The following USH1C variants were observed in gnomAD, a reference collection of about 807,000 sequenced individuals.
The protein encoded by USH1C is harmonin.
In USH1C, 90 loss-of-function variants were observed where a neutral mutation model predicts 119.3. The ratio of observed to expected loss-of-function variants is 0.75; its 90% CI spans 0.64 to 0.90. The LOEUF is 0.90. Among genes scored for constraint, USH1C ranks in the 40% least tolerant of loss-of-function variants. The pLI is 0.00. For synonymous variants in USH1C, 465 were observed against 443.3 expected (o/e 1.05, Z -0.62); for missense variants, 1,165 against 1,167.7 (o/e 1.00, Z 0.03).
intron 8 of USH1C, 38 bp downstream of exon 8, chr11:17,526,309 C>G (rs1850668072): frequency 6.4e-7 from 1 of 1,571,310 alleles, no homozygotes; most frequent in Non-Finnish European, 8.7e-7. Context: ...CTGGGGTGCA[C>G]TGGCCACGAA....
At chr11:17,510,598 A>T in intron 16 of USH1C, 77 bp from the exon 17 acceptor site, 1 of 1,118,606 alleles carries the variant, frequency 8.9e-7, no homozygotes, top group Non-Finnish European at 1.4e-6. Flanking sequence ...ATAGCATGAA[A>T]GCACTCCTTT....
At chr11:17,524,643 C>T in intron 8 of USH1C, 108 bp from the exon 9 acceptor site, 1 of 1,224,120 alleles carries the variant, frequency 8.2e-7, no homozygotes, top group Non-Finnish European at 1.2e-6. Context: ...CTGCCTACCT[C>T]TTCAGCCTCT....
At chr11:17,507,151 C>T (rs1040226683) in intron 18 of USH1C, among the ~76,000 whole-genome samples, 3 of 152,192 alleles carry the variant, frequency 2.0e-5, no homozygotes, top group Non-Finnish European at 2.9e-5. Flanking sequence ...TGGTCACTCA[C>T]ACTTCCTGCT....
Position 17,496,780 on chromosome 11 carries a change from G to C in USH1C, c.2524C>G (p.Pro842Ala), listed in dbSNP as rs761342832. ...TACAGCTCATCGTCATACTCCTTTG[G>C]GGGGCAGACGGCAACCACAAGGTCG... ...WIDLVVAVCPPKEYDDELASL... is the reference protein window; with the variant it reads ...WIDLVVAVCPAKEYDDELASL... Residue 842 changes from proline (P) to alanine (A), a missense_variant, in exon 25 of 27, where the codon CCA becomes GCA. Pro to Ala is a conservative substitution (Grantham distance 27). Transcript: ENST00000005226. 6.8e-6 allele frequency: 11 copies of C among 1,614,086 alleles called. No homozygotes were observed. The South Asian group carries it at 7.7e-5, about 11-fold the overall frequency.
intron 18 of USH1C, among the ~76,000 whole-genome samples, chr11:17,508,442 T>C (rs1849732646): frequency 6.6e-6 from 1 of 152,188 alleles, no homozygotes. Context: ...TAAAAACCAC[T>C]GGTCAGGTGC....
rs773119803 is a variant in USH1C at position 17,498,166 on chromosome 11, C to A, written c.2486G>T (p.Gly829Val). 17 of 1,613,948 alleles carry A rather than the reference C, an allele frequency of 1.1e-5. No individual in the cohort carries two copies. In the South Asian group the frequency reaches 1.9e-4, roughly 18 times the overall value. Residue 829 changes from glycine (G) to valine (V), a missense_variant, in exon 24 of 27, where the codon GGC (glycine) becomes GTC (valine). Gly to Val is a moderately radical substitution (Grantham distance 109). Coordinates refer to ENST00000005226, the MANE Select transcript of USH1C (RefSeq NM_153676.4). ...AGGGAGGGGCCTTATTCTTACCCCG[C>A]CCTGATTCCAGGCCTTCTGCAGGGC... ...EAALQKAWNQ[G>V]GDWIDLVVAV...
At chr11:17,513,110 T>A (rs2237962) in intron 15 of USH1C, among the ~76,000 whole-genome samples, 74,013 of 152,124 alleles carry the variant, frequency 0.49, 19,446 homozygotes, top group East Asian at 0.63. Flanking sequence ...ATGTCAGACA[T>A]CTTGTAACTG....
chr11:17,511,273 G>A (rs771198948), intron 16 of USH1C, among the ~76,000 whole-genome samples: 24 of 151,908 alleles, frequency 1.6e-4, no homozygotes, highest in Non-Finnish European at 2.4e-4. Context: ...AGATAACCTC[G>A]CACCTACCAC....
rs1434502978 is a variant in USH1C at position 17,509,578 on chromosome 11, C to T, written c.1791G>A (p.Gln597=). ...HVSASSSPWV[Q]RTPPPIPIPP... is the part of the protein sequence containing the mutation. ...GGATGGGAATGGGGGGTGGAGTGCGCTGCACCCATGGAGAGGATGAGGCGC... is the reference window on the plus strand; with the variant it reads ...GGATGGGAATGGGGGGTGGAGTGCGTTGCACCCATGGAGAGGATGAGGCGC... Residue 597 remains glutamine, a synonymous_variant, in exon 18 of 27, where the codon CAG becomes CAA. Coordinates refer to ENST00000005226, the MANE Select transcript of USH1C (RefSeq NM_153676.4). 1 of 1,598,132 alleles carries T rather than the reference C, an allele frequency of 6.3e-7. No homozygotes were observed. Among genetic ancestry groups the T allele is most frequent in the Non-Finnish European group, 8.5e-7 (1 of 1,173,942 alleles).
intron 1 of USH1C, among the ~76,000 whole-genome samples, chr11:17,534,386 C>T (rs1203981565): frequency 6.6e-6 from 1 of 152,236 alleles, no homozygotes; most frequent in Non-Finnish European, 1.5e-5. Flanking sequence ...CTGGCCTGAG[C>T]AGGGGGTACA....
At chr11:17,527,201 G>A (rs1257530944) in intron 5 of USH1C, 22 bp downstream of exon 5, 1 of 1,446,010 alleles carries the variant, frequency 6.9e-7, no homozygotes, top group Non-Finnish European at 9.6e-7. Context: ...ATGGAGTACT[G>A]CCCTGCTCTG....
At chr11:17,496,987 C>A in intron 24 of USH1C, 174 bp from the exon 25 acceptor site, 1 of 642,694 alleles carries the variant, frequency 1.6e-6, no homozygotes, top group South Asian at 1.9e-5. Context: ...CGTTTCTAGT[C>A]TCTGAGGCTT....
chr11:17,543,942 G>C (rs572340869), intron 1 of USH1C, among the ~76,000 whole-genome samples: 1 of 152,226 alleles, frequency 6.6e-6, no homozygotes, highest in Non-Finnish European at 1.5e-5. Flanking sequence ...AAGGAGAGGG[G>C]CTTGCCCACA....
rs1186647324 is a variant in USH1C, at chr11:17,501,105, T to C, written c.2326A>G (p.Ile776Val). 3.7e-6 allele frequency: 6 copies of C among 1,613,950 alleles called. No individual in the cohort carries two copies. The highest frequency in any genetic ancestry group is 1.7e-5 in the Admixed American group (1 of 60,018). The change falls in exon 23 of 27, where the codon ATT becomes GTT. Residue 776 changes from isoleucine (I) to valine (V), a missense_variant. By Grantham distance (29) the Ile-to-Val change is conservative. Coordinates refer to ENST00000005226, the MANE Select transcript of USH1C (RefSeq NM_153676.4). The part of the protein sequence containing the change: ...LALEGGVDSP[I>V]GKVVVSAVYE... ...ACAGCAGAAACGACCACCTTCCCAA[T>C]GGGGGAGTCCACACCGCCTTCCAGG... is the stretch of plus-strand genomic sequence containing the variant.
In USH1C at chr11:17,517,470, A is replaced by C. The variant is rs148649303; in HGVS notation, c.1211-1180T>G. The C allele has an allele frequency of 1.6e-5, 25 of 1,591,964 alleles. No individual in the cohort carries two copies. Among genetic ancestry groups the C allele is most frequent in the Non-Finnish European group, 2.1e-5 (25 of 1,168,344 alleles). On this transcript the variant is annotated intron_variant, in intron 14 of 26. Transcript: ENST00000005226. ...GCTCGAGCTCAGGTTCCACTCCCTG[A>C]TCATCTACCCAGGGAAAAGAGGAGG...
At position 17,544,379 on chromosome 11, in the gene USH1C, G is replaced by C. The variant is rs1851611661; in HGVS notation, c.-72C>G. ...GTGCCCGGCTGCCAGGAGCTGGAAA[G>C]AGCCGCGACCGCGACCGGGCCAGCC... On this transcript the variant is annotated 5_prime_UTR_variant, in exon 1 of 27. Transcript: ENST00000005226. The C allele has an allele frequency of 3.1e-6, 5 of 1,608,954 alleles. No homozygotes were observed. Among genetic ancestry groups the C allele is most frequent in the Admixed American group, 1.7e-5 (1 of 59,818 alleles).
chr11:17,516,792 G>A (rs1000142490), intron 14 of USH1C, among the ~76,000 whole-genome samples: 3 of 152,172 alleles, frequency 2.0e-5, no homozygotes, highest in African/African-American at 4.8e-5. Flanking sequence ...CAAGTCCTCC[G>A]CTTTCAACAT....
At chr11:17,536,337 T>C (rs1392394198) in intron 1 of USH1C, among the ~76,000 whole-genome samples, 2 of 152,246 alleles carry the variant, frequency 1.3e-5, no homozygotes, top group African/African-American at 2.4e-5. Flanking sequence ...TATCTTGCTG[T>C]AGCATTAGAT....
intron 19 of USH1C, 65 bp downstream of exon 19, chr11:17,505,765 G>A: frequency 6.2e-7 from 1 of 1,610,086 alleles, no homozygotes; most frequent in Non-Finnish European, 8.5e-7. Context: ...AGACAGCAGA[G>A]CCCAGGGGAG....
Sources: allele counts gnomAD v4.1 joint callset (sites outside exome capture counted in the v4.1 genomes callset), GRCh38; gene constraint gnomAD v4.1.1; transcripts MANE v1.5; gene names NCBI Gene and HGNC (gene_info 2026-07-23, HGNC 2026-07-21).